Variants in PID1 observed in about 807,000 individuals in gnomAD.
PID1 encodes PTB-containing, cubilin and LRP1-interacting protein.
A neutral mutation model predicts 19.1 loss-of-function variants in PID1; 10 were observed. That is an observed-to-expected ratio of 0.52 (90% CI 0.32 to 0.89). The LOEUF (loss-of-function observed/expected upper bound fraction) is 0.89. Ranked by LOEUF, PID1 falls within the 40% of genes least tolerant of loss-of-function variation. The pLI is 0.03. For missense variants in PID1, 248 were observed against 285.3 expected (o/e 0.87, Z 0.94); for synonymous variants, 130 against 116.0 (o/e 1.12, Z -0.78).
intron 2 of PID1, among the ~76,000 whole-genome samples, chr2:229,045,779 T>C (rs765677696): frequency 2.0e-5 from 3 of 152,250 alleles, no homozygotes; most frequent in Admixed American, 1.3e-4. Flanking sequence ...CTGCATTGCC[T>C]GCCCAGCACA....
chr2:229,210,543 A>C (rs1395473145), intron 1 of PID1, among the ~76,000 whole-genome samples: 3 of 148,040 alleles, frequency 2.0e-5, no homozygotes, highest in Non-Finnish European at 3.0e-5. Context: ...AAAAAAAAAA[A>C]AAAAAAAAAA....
intron 1 of PID1, among the ~76,000 whole-genome samples, chr2:229,255,131 T>C (rs2106286872): frequency 6.6e-6 from 1 of 152,304 alleles, no homozygotes; most frequent in South Asian, 2.1e-4. Flanking sequence ...AATAGCCTCA[T>C]CCAACTCAGA....
At chr2:229,102,591 G>A (rs564556388) in intron 2 of PID1, among the ~76,000 whole-genome samples, 24 of 152,294 alleles carry the variant, frequency 1.6e-4, no homozygotes, top group African/African-American at 4.8e-4. Flanking sequence ...GGTCTGCATC[G>A]TTTCTGGTGC....
chr2:229,079,421 A>G (rs1380044978), intron 2 of PID1, among the ~76,000 whole-genome samples: 1 of 152,100 alleles, frequency 6.6e-6, no homozygotes, highest in African/African-American at 2.4e-5. Context: ...TGTCAAGAAT[A>G]TATGCTCTGA....
rs564661714 is a variant in PID1, at chr2:229,203,284, A to C, written c.31-47320T>G. Among the ~76,000 whole-genome samples, 4 of 152,208 alleles carry C rather than the reference A, an allele frequency of 2.6e-5. No individual in the cohort carries two copies. The South Asian group carries it at 8.3e-4, about 32-fold the overall frequency. On this transcript the variant is annotated intron_variant, in intron 1 of 2. Transcript: ENST00000392055. ...TGGCAGTCAATATTATTAGAGTTAT[A>C]TCTACAAAGGGGATGGGGGAAGGAA...
At chr2:229,075,315 T>C (rs565943940) in intron 2 of PID1, among the ~76,000 whole-genome samples, 1 of 152,328 alleles carries the variant, frequency 6.6e-6, no homozygotes, top group South Asian at 2.1e-4. Context: ...TTGAGGACCA[T>C]CTGTATATGC....
At chr2:229,205,224 C>A (rs1000366466) in intron 1 of PID1, among the ~76,000 whole-genome samples, 3 of 151,432 alleles carry the variant, frequency 2.0e-5, no homozygotes, top group African/African-American at 7.3e-5. Flanking sequence ...TACACACACA[C>A]AATCACACAT....
intron 2 of PID1, among the ~76,000 whole-genome samples, chr2:229,075,742 A>G (rs779943270): frequency 1.3e-5 from 2 of 152,152 alleles, no homozygotes; most frequent in Non-Finnish European, 2.9e-5. Context: ...TGGGTCCCCA[A>G]CTCTCACTAA....
At chr2:229,253,455 A>G (rs1279838276) in intron 1 of PID1, among the ~76,000 whole-genome samples, 1 of 152,166 alleles carries the variant, frequency 6.6e-6, no homozygotes, top group Non-Finnish European at 1.5e-5. Flanking sequence ...CTTATAAACA[A>G]CAAGGACCAA....
intron 1 of PID1, among the ~76,000 whole-genome samples, chr2:229,214,178 T>G (rs1048032440): frequency 2.0e-5 from 3 of 152,226 alleles, no homozygotes; most frequent in Non-Finnish European, 4.4e-5. Flanking sequence ...TTAACATCAG[T>G]AGTCCTGTTT....
At chr2:229,182,564 T>G (rs1206873901) in intron 1 of PID1, among the ~76,000 whole-genome samples, 1 of 152,164 alleles carries the variant, frequency 6.6e-6, no homozygotes, top group Non-Finnish European at 1.5e-5. Flanking sequence ...AGGCCACGGA[T>G]TCCCACCATC....
At chr2:229,066,634 A>G (rs1443035972) in intron 2 of PID1, among the ~76,000 whole-genome samples, 1 of 152,002 alleles carries the variant, frequency 6.6e-6, no homozygotes. Context: ...AAATACTCAG[A>G]ATTTTCCACC....
intron 2 of PID1, among the ~76,000 whole-genome samples, chr2:229,035,746 A>G (rs1320663517): frequency 1.3e-5 from 2 of 152,108 alleles, no homozygotes; most frequent in Non-Finnish European, 2.9e-5. Flanking sequence ...TTCTTATATC[A>G]TTTACCTTTT....
At chr2:229,094,991 A>G (rs1162199708) in intron 2 of PID1, among the ~76,000 whole-genome samples, 1 of 152,190 alleles carries the variant, frequency 6.6e-6, no homozygotes, top group Non-Finnish European at 1.5e-5. Flanking sequence ...CTCTAATAAC[A>G]GATAGCGTGA....
At chr2:229,113,410 TTA>T (rs200380892) in intron 2 of PID1, among the ~76,000 whole-genome samples, 9 of 140,234 alleles carry the variant, frequency 6.4e-5, no homozygotes, top group South Asian at 2.2e-4. Flanking sequence ...ATATATATAT[TTA>T]TATATATATA....
intron 2 of PID1, among the ~76,000 whole-genome samples, chr2:229,077,743 T>C (rs1174759095): frequency 6.6e-6 from 1 of 152,232 alleles, no homozygotes; most frequent in Non-Finnish European, 1.5e-5. Flanking sequence ...CATTGGTCTA[T>C]ATACCCGTTT....
At chr2:229,233,787 C>T (rs972641662) in intron 1 of PID1, among the ~76,000 whole-genome samples, 4 of 152,206 alleles carry the variant, frequency 2.6e-5, no homozygotes, top group Non-Finnish European at 5.9e-5. Context: ...CCACCACACC[C>T]AGCCTTGTGC....
chr2:229,105,634 G>A (rs1695161549), intron 2 of PID1, among the ~76,000 whole-genome samples: 1 of 152,188 alleles, frequency 6.6e-6, no homozygotes, highest in South Asian at 2.1e-4. Context: ...GAATGCTTGA[G>A]AGAAAGGTCA....
At chr2:229,266,070 GC>G (rs1162432063) in intron 1 of PID1, among the ~76,000 whole-genome samples, 1 of 152,134 alleles carries the variant, frequency 6.6e-6, no homozygotes, top group Non-Finnish European at 1.5e-5. Context: ...GGAGACTAAG[GC>G]CCCGGATTAA....
Sources: gnomAD v4.1 joint callset for allele counts (sites outside exome capture counted in the v4.1 genomes callset) on GRCh38, gnomAD v4.1.1 for gene constraint, MANE v1.5 for transcripts, NCBI Gene and HGNC (gene_info 2026-07-23, HGNC 2026-07-21) for gene names.